Variants in ARHGEF28 observed in about 807,000 individuals in gnomAD.
The protein encoded by ARHGEF28 is Rho guanine nucleotide exchange factor 28, also known as 190 kDa guanine nucleotide exchange factor.
Under a neutral mutation model 206.6 loss-of-function variants are expected in ARHGEF28, and 152 were observed. The observed-to-expected ratio is 0.74, with a 90% CI of 0.64 to 0.84. The LOEUF (loss-of-function observed/expected upper bound fraction) is 0.84. ARHGEF28 is among the 40% of genes least tolerant of loss of function. The pLI, the probability that ARHGEF28 is intolerant of heterozygous loss-of-function variation, is 0.00. For synonymous variants in ARHGEF28, 763 were observed against 776.4 expected (o/e 0.98, Z 0.29); for missense variants, 2,028 against 2,073.2 (o/e 0.98, Z 0.42).
chr5:73,770,329 T>A (rs1566610), intron 4 of ARHGEF28, among the ~76,000 whole-genome samples: 53,210 of 152,088 alleles, frequency 0.35, 10,646 homozygotes, highest in African/African-American at 0.55. Context: ...TCTGGGGCAG[T>A]TGGACTCCTG....
At chr5:73,765,936 A>G (rs1752870486) in intron 4 of ARHGEF28, among the ~76,000 whole-genome samples, 1 of 152,176 alleles carries the variant, frequency 6.6e-6, no homozygotes, top group Non-Finnish European at 1.5e-5. Context: ...GCGGATCACA[A>G]GGTCAGGAGA....
At chr5:73,799,997 C>T (rs2112495374) in intron 9 of ARHGEF28, among the ~76,000 whole-genome samples, 1 of 152,080 alleles carries the variant, frequency 6.6e-6, no homozygotes, top group African/African-American at 2.4e-5. Flanking sequence ...CAAAGTAAGC[C>T]TCTTGGAAAA....
At chr5:73,629,873 G>A (rs946571639) in intron 1 of ARHGEF28, among the ~76,000 whole-genome samples, 3 of 152,212 alleles carry the variant, frequency 2.0e-5, no homozygotes, top group African/African-American at 7.2e-5. Flanking sequence ...CTCGAGGTCT[G>A]ATTTCTGTAG....
At chr5:73,846,076 A>G (rs1038917876) in intron 11 of ARHGEF28, among the ~76,000 whole-genome samples, 192 bp from the exon 12 acceptor site, 1 of 152,106 alleles carries the variant, frequency 6.6e-6, no homozygotes, top group Non-Finnish European at 1.5e-5. Context: ...ATTCGGGGTA[A>G]CATAAAATTT....
In ARHGEF28 at chr5:73,753,062, C is replaced by T; in HGVS notation, c.335C>T (p.Ala112Val). 6.2e-7 allele frequency: 1 copy of T among 1,610,440 alleles called. No homozygotes were observed. The highest frequency in any genetic ancestry group is 8.5e-7 in the Non-Finnish European group (1 of 1,178,344). The stretch of plus-strand genomic sequence containing the variant: ...GTGACGCAGGCCAATCGCCTCACAG[C>T]CTGCAGCCACCAGACCCTGCTGACC... ...LLVTQANRLT[A>V]CSHQTLLTPF... is the part of the protein sequence containing the mutation. The change falls in exon 4 of 36, where the codon GCC becomes GTC. Residue 112 changes from alanine (A) to valine (V), a missense_variant. This residue lies in a region of ARHGEF28 where 1,002 missense variants were observed against 1,015.3 expected (regional missense o/e 0.99). Transcript: ENST00000513042.
At chr5:73,667,937 T>C (rs1290887954) in intron 1 of ARHGEF28, among the ~76,000 whole-genome samples, 5 of 152,232 alleles carry the variant, frequency 3.3e-5, no homozygotes, top group South Asian at 4.1e-4. Context: ...GGATGACATT[T>C]ACTCCAGTTT....
chr5:73,812,518 T>C (rs1194340612), intron 9 of ARHGEF28, among the ~76,000 whole-genome samples: 1 of 152,250 alleles, frequency 6.6e-6, no homozygotes, highest in East Asian at 1.9e-4. Context: ...TATCCTTTTT[T>C]TCCACTGCAG....
chr5:73,699,264 G>A (rs993211567), intron 2 of ARHGEF28, among the ~76,000 whole-genome samples: 1 of 151,926 alleles, frequency 6.6e-6, no homozygotes, highest in African/African-American at 2.4e-5. Flanking sequence ...AGGTGGCCCT[G>A]ATGTGGGAAT....
intron 2 of ARHGEF28, among the ~76,000 whole-genome samples, chr5:73,703,373 G>A (rs1580503723): frequency 6.6e-6 from 1 of 152,286 alleles, no homozygotes; most frequent in East Asian, 1.9e-4. Context: ...TGAAAAAGTA[G>A]GGTAGAATTT....
At chr5:73,685,781 C>T (rs1747427364) in intron 2 of ARHGEF28, among the ~76,000 whole-genome samples, 1 of 152,038 alleles carries the variant, frequency 6.6e-6, no homozygotes. Context: ...TGCCACCACG[C>T]CTGGCTAATT....
At chr5:73,656,567 A>G (rs374807292) in intron 1 of ARHGEF28, among the ~76,000 whole-genome samples, 1 of 152,118 alleles carries the variant, frequency 6.6e-6, no homozygotes, top group Non-Finnish European at 1.5e-5. Flanking sequence ...CAAATCTCAG[A>G]CACCATCATC....
intron 1 of ARHGEF28, among the ~76,000 whole-genome samples, chr5:73,653,550 C>T (rs1744968588): frequency 6.6e-6 from 1 of 152,174 alleles, no homozygotes; most frequent in African/African-American, 2.4e-5. Context: ...TTGCTTATGT[C>T]TCTCGTCTCA....
chr5:73,659,809 T>C (rs1321244124), intron 1 of ARHGEF28, among the ~76,000 whole-genome samples: 2 of 152,196 alleles, frequency 1.3e-5, no homozygotes, highest in Non-Finnish European at 2.9e-5. Flanking sequence ...AGGAATACAA[T>C]AGCACTATGT....
In ARHGEF28 at chr5:73,848,998, G is replaced by T; in HGVS notation, c.1658G>T (p.Arg553Leu). 6.4e-7 allele frequency: 1 copy of T among 1,571,026 alleles called. No homozygotes were observed. The highest frequency in any genetic ancestry group is 8.7e-7 in the Non-Finnish European group (1 of 1,155,758). ...TAGGAATCACTGCTTTCTGGAGTTCGCTCACGTTCTTATTCTTGCTCATCA... is the reference window on the plus strand; with the variant it reads ...TAGGAATCACTGCTTTCTGGAGTTCTCTCACGTTCTTATTCTTGCTCATCA... ...QSKESLLSGV[R>L]SRSYSCSSPK... The change falls in exon 13 of 36, where the codon CGC becomes CTC. Residue 553 changes from arginine (R) to leucine (L), a missense_variant. By Grantham distance (102) the Arg-to-Leu change is moderately radical. Transcript: ENST00000513042.
At chr5:73,722,067 T>C (rs1462990647) in intron 2 of ARHGEF28, among the ~76,000 whole-genome samples, 1 of 152,170 alleles carries the variant, frequency 6.6e-6, no homozygotes, top group Non-Finnish European at 1.5e-5. Flanking sequence ...CAGTGGTAAT[T>C]GAAAAATAAT....
chr5:73,909,285 G>A, intron 33 of ARHGEF28, 127 bp from the exon 34 acceptor site: 1 of 1,394,726 alleles, frequency 7.2e-7, no homozygotes, highest in Non-Finnish European at 9.5e-7. Flanking sequence ...CTTAGAAAAA[G>A]GCCAGAAATA....
At chr5:73,838,671 C>G (rs971924728) in intron 10 of ARHGEF28, among the ~76,000 whole-genome samples, 3 of 152,164 alleles carry the variant, frequency 2.0e-5, no homozygotes, top group African/African-American at 7.2e-5. Flanking sequence ...TAAATTATGT[C>G]TATAAATGTT....
At chr5:73,813,031 C>G (rs1755935824) in intron 9 of ARHGEF28, among the ~76,000 whole-genome samples, 2 of 152,148 alleles carry the variant, frequency 1.3e-5, no homozygotes, top group South Asian at 4.1e-4. Context: ...GGAAAGAGCT[C>G]TTCCTGGAGT....
intron 13 of ARHGEF28, 121 bp from the exon 14 acceptor site, chr5:73,852,529 C>T (rs1758768303): frequency 2.4e-6 from 2 of 837,664 alleles, no homozygotes; most frequent in Non-Finnish European, 2.0e-6. Context: ...CTCATTTTCT[C>T]ATTATTTTCT....
Sources: gnomAD v4.1 joint callset for allele counts (sites outside exome capture counted in the v4.1 genomes callset) on GRCh38, gnomAD v4.1.1 for gene constraint, gnomAD v4.1.1 regional missense constraint, MANE v1.5 for transcripts, NCBI Gene and HGNC (gene_info 2026-07-23, HGNC 2026-07-21) for gene names.